Variants in PRELID2 observed in about 807,000 individuals in gnomAD.
PRELID2 encodes the protein PRELI domain containing 2.
In PRELID2, 25 loss-of-function variants were observed where a neutral mutation model predicts 28.4. The observed-to-expected ratio is 0.88, with a 90% CI of 0.64 to 1.23. PRELID2 has a LOEUF of 1.23. Ranked by LOEUF, PRELID2 falls within the 50% of genes most tolerant of loss-of-function variation. The probability of loss-of-function intolerance (pLI) is 0.00; values close to 1 mark genes in which losing one functional copy is unlikely to be tolerated. For missense variants in PRELID2, 201 were observed against 214.4 expected, an observed-to-expected ratio of 0.94 and a Z score of 0.39; for synonymous variants, 76 against 71.6, an observed-to-expected ratio of 1.06 and a Z score of -0.31.
At chr5:145,367,074 T>G in the PRELID2 span, among the ~76,000 whole-genome samples, 1 of 151,852 alleles carries the variant, frequency 6.6e-6, no homozygotes, top group African/African-American at 2.4e-5. Context: ...TCTTCTTACC[T>G]CAAAGCTTTC....
At chr5:145,470,026 T>C (rs553891114), downstream of PRELID2, among the ~76,000 whole-genome samples, 4 of 151,604 alleles carry the variant, frequency 2.6e-5, no homozygotes, top group Non-Finnish European at 4.4e-5. Flanking sequence ...CTGCTAAATG[T>C]CTATTAATCA....
intron 1 of PRELID2, among the ~76,000 whole-genome samples, chr5:145,593,156 T>C (rs1401558180): frequency 6.6e-6 from 1 of 152,204 alleles, no homozygotes; most frequent in Non-Finnish European, 1.5e-5. Flanking sequence ...GTAAAATTCA[T>C]GATATATTTT....
the PRELID2 span, among the ~76,000 whole-genome samples, chr5:145,460,036 C>A: frequency 2.6e-5 from 4 of 152,114 alleles, no homozygotes; most frequent in Non-Finnish European, 5.9e-5. Context: ...GTCTTGAACT[C>A]CTGACCTCGT....
chr5:145,507,170 C>G (rs745561851), intron 1 of PRELID2, among the ~76,000 whole-genome samples: 1 of 152,054 alleles, frequency 6.6e-6, no homozygotes, highest in Non-Finnish European at 1.5e-5. Flanking sequence ...AATGTTAGTC[C>G]CTCAGCATAT....
chr5:145,794,782 T>A (rs1267339182), intron 5 of PRELID2, among the ~76,000 whole-genome samples: 2 of 152,142 alleles, frequency 1.3e-5, no homozygotes, highest in South Asian at 2.1e-4. Context: ...AGAATGTACA[T>A]AACCACTGTG....
At chr5:145,424,062 A>AGGGACCC in the PRELID2 span, among the ~76,000 whole-genome samples, 2 of 151,188 alleles carry the variant, frequency 1.3e-5, no homozygotes, top group African/African-American at 4.9e-5. Flanking sequence ...GTCAGGGGTC[A>AGGGACCC]GGGACCCACT....
At chr5:145,724,461 G>A (rs1448255490) in intron 1 of PRELID2, among the ~76,000 whole-genome samples, 1 of 151,068 alleles carries the variant, frequency 6.6e-6, no homozygotes, top group Non-Finnish European at 1.5e-5. Flanking sequence ...ATATTAAGGT[G>A]ATTGGCAAAA....
At position 145,816,107 on chromosome 5, in the gene PRELID2, CA is replaced by C. The variant is rs1263663108; in HGVS notation, c.368+1786del. ...TTTTTTTTTTTTTTTTTTTTTGAGA[CA>C]GTCTCGCTCTGTTGCCCAGGCTAGA... On this transcript the variant is annotated intron_variant, in intron 4 of 6. Transcript: ENST00000683046. Among the ~76,000 whole-genome samples the C allele has an allele frequency of 1.6e-3, 171 of 107,950 alleles. 2 individuals carry two copies. The highest frequency in any genetic ancestry group is 4.7e-3 in the African/African-American group (125 of 26,744). 70.8% of individuals were successfully genotyped at this position (107,950 alleles called of 152,430 possible).
chr5:145,245,509 C>T, the PRELID2 span, among the ~76,000 whole-genome samples: 1 of 151,934 alleles, frequency 6.6e-6, no homozygotes, highest in Non-Finnish European at 1.5e-5. Context: ...CTGGCTAGGC[C>T]TGCTCCTCTG....
At chr5:145,822,977 T>TA (rs149496229) in intron 2 of PRELID2, 100 bp downstream of exon 2, 7,468 of 601,208 alleles carry the variant, frequency 0.012, 411 homozygotes, top group African/African-American at 0.12. Context: ...AACAATTTTT[T>TA]AAAAAAAACC....
At chr5:145,602,485 G>T (rs748980471) in intron 1 of PRELID2, among the ~76,000 whole-genome samples, 3 of 152,050 alleles carry the variant, frequency 2.0e-5, no homozygotes, top group Non-Finnish European at 2.9e-5. Flanking sequence ...GAAGAACTGG[G>T]AAGACAACAG....
chr5:145,571,458 AT>A (rs1753014236), intron 1 of PRELID2, among the ~76,000 whole-genome samples: 1 of 152,224 alleles, frequency 6.6e-6, no homozygotes, highest in East Asian at 1.9e-4. Flanking sequence ...TTCCAGACTG[AT>A]TCTTATCCAG....
chr5:145,769,095 C>T (rs1270214536), intron 5 of PRELID2, among the ~76,000 whole-genome samples: 3 of 152,200 alleles, frequency 2.0e-5, no homozygotes, highest in Admixed American at 6.5e-5. Context: ...GCTAAATTTA[C>T]ACCACTTATC....
At chr5:145,597,445 G>T (rs888766473) in intron 1 of PRELID2, among the ~76,000 whole-genome samples, 1 of 152,098 alleles carries the variant, frequency 6.6e-6, no homozygotes, top group Admixed American at 6.6e-5. Context: ...TCTGACAGGG[G>T]TATCAAAGCA....
chr5:145,633,500 G>C (rs9968717), intron 1 of PRELID2, among the ~76,000 whole-genome samples: 9,172 of 152,202 alleles, frequency 0.06, 671 homozygotes, highest in African/African-American at 0.17. Flanking sequence ...CAGCAACAGA[G>C]AGAATAAGCT....
At chr5:145,382,443 C>G in the PRELID2 span, among the ~76,000 whole-genome samples, 7 of 151,892 alleles carry the variant, frequency 4.6e-5, no homozygotes, top group South Asian at 1.0e-3. Flanking sequence ...AGTAAAATTT[C>G]TGAAAAAGAT....
chr5:145,630,163 T>C (rs1161112290), intron 1 of PRELID2, among the ~76,000 whole-genome samples: 1 of 151,928 alleles, frequency 6.6e-6, no homozygotes, highest in African/African-American at 2.4e-5. Flanking sequence ...GATGGATGGA[T>C]GAGTGGGTGG....
intron 5 of PRELID2, among the ~76,000 whole-genome samples, chr5:145,771,716 G>A (rs1475037070): frequency 6.6e-6 from 1 of 152,050 alleles, no homozygotes; most frequent in Non-Finnish European, 1.5e-5. Flanking sequence ...TTAGCTGGGT[G>A]TGGTGACGCA....
the PRELID2 span, among the ~76,000 whole-genome samples, chr5:145,244,200 C>T: frequency 2.0e-5 from 3 of 152,012 alleles, no homozygotes; most frequent in East Asian, 3.9e-4. Context: ...AGTGATCCAC[C>T]CACCTTAGCC....
Sources: allele counts gnomAD v4.1 joint callset (sites outside exome capture counted in the v4.1 genomes callset), GRCh38; gene constraint gnomAD v4.1.1; transcripts MANE v1.5; gene names NCBI Gene and HGNC (gene_info 2026-07-23, HGNC 2026-07-21).